Variants in CFAP206 observed in about 807,000 individuals in gnomAD.
CFAP206 encodes cilia- and flagella-associated protein 206.
A neutral mutation model predicts 65.4 loss-of-function variants in CFAP206; 53 were observed. The ratio of observed to expected loss-of-function variants is 0.81; its 90% CI spans 0.65 to 1.02. The LOEUF (loss-of-function observed/expected upper bound fraction) is 1.02, where lower values mean the gene tolerates loss of function less well. CFAP206 is among the 50% of genes least tolerant of loss of function. The pLI is 0.00. For missense variants in CFAP206, 663 were observed against 753.2 expected (o/e 0.88, Z 1.40); for synonymous variants, 250 against 254.4 (o/e 0.98, Z 0.17).
intron 11 of CFAP206, among the ~76,000 whole-genome samples, chr6:87,439,915 A>G (rs1582144803): frequency 6.6e-6 from 1 of 152,134 alleles, no homozygotes; most frequent in Non-Finnish European, 1.5e-5. Context: ...CAATAGCTTT[A>G]TAAGTCTTGA....
chr6:87,433,169 C>G (rs1401181762), intron 10 of CFAP206, among the ~76,000 whole-genome samples: 1 of 152,228 alleles, frequency 6.6e-6, no homozygotes, highest in African/African-American at 2.4e-5. Flanking sequence ...TTTTATTCAG[C>G]CTTCCCTAAT....
chr6:87,414,771 A>G (rs1334330952), intron 4 of CFAP206, among the ~76,000 whole-genome samples: 1 of 152,156 alleles, frequency 6.6e-6, no homozygotes, highest in Non-Finnish European at 1.5e-5. Context: ...CAATTTGGTG[A>G]TGTTTCTCTT....
At chr6:87,409,739 C>G (rs1466752480) in intron 1 of CFAP206, 96 bp from the exon 2 acceptor site, 1 of 745,380 alleles carries the variant, frequency 1.3e-6, no homozygotes. Context: ...GATATTATGA[C>G]TGTTTACAAA....
intron 7 of CFAP206, among the ~76,000 whole-genome samples, chr6:87,422,355 C>T (rs1049747511): frequency 6.7e-6 from 1 of 149,064 alleles, no homozygotes; most frequent in Non-Finnish European, 1.5e-5. Flanking sequence ...GAGGCTGAGG[C>T]AGGAGAATTT....
intron 3 of CFAP206, among the ~76,000 whole-genome samples, chr6:87,412,964 A>G (rs891281247): frequency 6.6e-6 from 1 of 152,194 alleles, no homozygotes; most frequent in African/African-American, 2.4e-5. Context: ...CAGCTGCAGC[A>G]GCTTTTTATA....
At chr6:87,449,701 T>C (rs1371532687) in intron 11 of CFAP206, among the ~76,000 whole-genome samples, 1 of 152,220 alleles carries the variant, frequency 6.6e-6, no homozygotes, top group Non-Finnish European at 1.5e-5. Context: ...TTTGCTGAGC[T>C]GAGTTCCTTG....
In CFAP206 at chr6:87,415,716, T is replaced by G. The variant is rs777607694; in HGVS notation, c.314T>G (p.Leu105Arg). The change falls in exon 5 of 13, where the codon CTA becomes CGA. Residue 105 changes from leucine (L) to arginine (R), a missense_variant. Coordinates refer to ENST00000369562, the MANE Select transcript of CFAP206 (RefSeq NM_001031743.3). ...VEFLEEHHRV[L>R]ESRLGSVTRE... ...TTTCTCGAAGAACATCACCGGGTCC[T>G]AGAGTCTAGATTAGGCTCTGTTACC... 6.2e-7 allele frequency: 1 copy of G among 1,611,222 alleles called. No homozygotes were observed. The highest frequency in any genetic ancestry group is 8.5e-7 in the Non-Finnish European group (1 of 1,178,764).
intron 7 of CFAP206, among the ~76,000 whole-genome samples, chr6:87,426,306 C>T (rs60711734): frequency 0.038 from 5,738 of 152,104 alleles, 132 homozygotes; most frequent in Middle Eastern, 0.078. Context: ...AAAAATTATA[C>T]CTATTGTATT....
In CFAP206 at chr6:87,457,198, T is replaced by C. The variant is rs141098098; in HGVS notation, c.1495-3824T>C. ...AAATTGAAGAGGACACAAAGCAACA[T>C]GTTAATGGATTGGAAAAATTAATAT... On this transcript the variant is annotated intron_variant, in intron 11 of 12. Transcript: ENST00000369562. Among the ~76,000 whole-genome samples, 535 of 148,950 alleles carry C rather than the reference T, an allele frequency of 3.6e-3. 4 individuals carry two copies. Among genetic ancestry groups the C allele is most frequent in the African/African-American group, 0.012 (494 of 40,550 alleles).
At chr6:87,419,004 C>G (rs952975374) in intron 7 of CFAP206, among the ~76,000 whole-genome samples, 6 of 151,940 alleles carry the variant, frequency 3.9e-5, no homozygotes, top group Non-Finnish European at 8.8e-5. Context: ...CCCAGCTACT[C>G]AAGAGGCTGA....
intron 6 of CFAP206, among the ~76,000 whole-genome samples, chr6:87,417,755 CTTTT>C (rs11394814): frequency 1.6e-5 from 2 of 121,746 alleles, no homozygotes; most frequent in Non-Finnish European, 1.7e-5. Context: ...GTTTTAGATT[CTTTT>C]TTTTTTTTTT....
chr6:87,417,255 G>A (rs555951485), intron 6 of CFAP206, among the ~76,000 whole-genome samples: 40 of 152,104 alleles, frequency 2.6e-4, no homozygotes, highest in Non-Finnish European at 5.0e-4. Context: ...AAATTCGGGG[G>A]CATTTACTTT....
intron 3 of CFAP206, among the ~76,000 whole-genome samples, chr6:87,412,088 T>C (rs562348923): frequency 6.6e-6 from 1 of 152,278 alleles, no homozygotes; most frequent in South Asian, 2.1e-4. Flanking sequence ...TTCCCCCCAA[T>C]TCCCCAACTC....
intron 11 of CFAP206, among the ~76,000 whole-genome samples, chr6:87,453,113 T>G (rs1478193144): frequency 6.6e-6 from 1 of 151,276 alleles, no homozygotes. Flanking sequence ...ATAAAGGAGC[T>G]CCAATACATC....
rs145724678 is a variant in CFAP206, at chr6:87,428,748, T to C, written c.1083T>C (p.Phe361=). The change falls in exon 9 of 13, where the codon TTT becomes TTC. Residue 361 remains phenylalanine, a synonymous_variant. Coordinates refer to ENST00000369562, the MANE Select transcript of CFAP206 (RefSeq NM_001031743.3). ...TCTTGGGTGCTCACGAACTATACTT[T>C]CCTGAGAGAGTGATGCAATGTCATC... The part of the protein sequence containing the change: ...QPFLGAHELY[F]PERVMQCHLN... 24 of 1,614,058 alleles carry C rather than the reference T, an allele frequency of 1.5e-5. No homozygotes were observed. In the South Asian group the frequency reaches 2.1e-4, roughly 14 times the overall value.
At chr6:87,428,493 C>G in intron 8 of CFAP206, 133 bp from the exon 9 acceptor site, 1 of 741,376 alleles carries the variant, frequency 1.3e-6, no homozygotes, top group Middle Eastern at 3.4e-4. Context: ...AGTCTACTGT[C>G]TAAGTTCGTA....
intron 11 of CFAP206, among the ~76,000 whole-genome samples, chr6:87,457,013 G>A (rs1270895463): frequency 1.3e-5 from 2 of 151,948 alleles, no homozygotes; most frequent in Admixed American, 6.6e-5. Context: ...AGCCACGCGT[G>A]GTGGCAGGTG....
rs139709454 is a variant in CFAP206, at chr6:87,450,942, C to T, written c.1495-10080C>T. Among the ~76,000 whole-genome samples, 257 of 152,308 alleles carry T rather than the reference C, an allele frequency of 1.7e-3. 4 individuals carry two copies. The highest frequency in any genetic ancestry group is 0.016 in the Admixed American group (242 of 15,300). ...GCATTGGAATTCAGTGCTGCCCTGT[C>T]ATAGCATAAAGCAGTACAGGGCAGA... On this transcript the variant is annotated intron_variant, in intron 11 of 12. Transcript: ENST00000369562.
intron 8 of CFAP206, 81 bp from the exon 9 acceptor site, chr6:87,428,545 A>G (rs1020621475): frequency 7.6e-7 from 1 of 1,319,852 alleles, no homozygotes; most frequent in Admixed American, 1.7e-5. Context: ...ACAAATGACA[A>G]TTGTATTTAT....
Sources: allele counts gnomAD v4.1 joint callset (sites outside exome capture counted in the v4.1 genomes callset), GRCh38; gene constraint gnomAD v4.1.1; transcripts MANE v1.5; gene names NCBI Gene and HGNC (gene_info 2026-07-23, HGNC 2026-07-21).